Variants in MAF observed in about 807,000 individuals in gnomAD.
The protein encoded by MAF is MAF bZIP transcription factor, also known as transcription factor Maf.
Under a neutral mutation model 22.0 loss-of-function variants are expected in MAF, and 10 were observed. The observed-to-expected ratio is 0.45, with a 90% CI of 0.28 to 0.77. The LOEUF (loss-of-function observed/expected upper bound fraction) is 0.77. Ranked by LOEUF, MAF falls within the 30% of genes least tolerant of loss-of-function variation. MAF has a pLI of 0.12. For synonymous variants in MAF, 337 were observed against 255.8 expected, an observed-to-expected ratio of 1.32 and a Z score of -3.03; for missense variants, 544 against 548.4, an observed-to-expected ratio of 0.99 and a Z score of 0.08.
the MAF span, among the ~76,000 whole-genome samples, chr16:79,285,907 G>A: frequency 6.6e-6 from 1 of 152,194 alleles, no homozygotes; most frequent in Non-Finnish European, 1.5e-5. Flanking sequence ...CTGCACAACT[G>A]GCTGAGCCAA....
chr16:79,532,469 A>G, the MAF span, among the ~76,000 whole-genome samples: 209 of 152,370 alleles, frequency 1.4e-3, 1 homozygote, highest in Non-Finnish European at 1.3e-3. Flanking sequence ...TCTCAGCTCC[A>G]ATCATTCAAT....
chr16:79,382,777 T>C, the MAF span, among the ~76,000 whole-genome samples: 1 of 152,214 alleles, frequency 6.6e-6, no homozygotes, highest in Non-Finnish European at 1.5e-5. Flanking sequence ...CATTTATTCA[T>C]AAAATGGTGC....
the MAF span, among the ~76,000 whole-genome samples, chr16:79,372,174 G>C: frequency 7.1e-6 from 1 of 139,904 alleles, no homozygotes; most frequent in Admixed American, 7.5e-5. Flanking sequence ...ATGGTTTTTT[G>C]TTTAATTTGA....
chr16:79,429,263 C>T, the MAF span, among the ~76,000 whole-genome samples: 5 of 152,268 alleles, frequency 3.3e-5, no homozygotes, highest in African/African-American at 1.2e-4. Flanking sequence ...TGAGCCAATA[C>T]AAATATCCTG....
the MAF span, among the ~76,000 whole-genome samples, chr16:79,401,053 G>A: frequency 1.3e-5 from 2 of 152,168 alleles, no homozygotes; most frequent in Admixed American, 6.5e-5. Context: ...AACTTCACCA[G>A]GAAGTGGTGA....
the MAF span, among the ~76,000 whole-genome samples, chr16:79,542,550 A>T: frequency 6.6e-6 from 1 of 152,154 alleles, no homozygotes; most frequent in Non-Finnish European, 1.5e-5. Flanking sequence ...GGAAGCAGGG[A>T]AAGAAAGAGG....
chr16:79,596,180 GC>G, intron 1 of MAF: 3 of 1,062,536 alleles, frequency 2.8e-6, no homozygotes, highest in Non-Finnish European at 3.4e-6. Flanking sequence ...TGCTCAGGAA[GC>G]CTAGTTCCAC....
At chr16:79,212,121 A>C in the MAF span, 26 of 1,533,902 alleles carry the variant, frequency 1.7e-5, no homozygotes, top group East Asian at 3.2e-4. Context: ...TTTTACTGTT[A>C]TAGAATAGCC....
At chr16:79,508,131 G>A in the MAF span, among the ~76,000 whole-genome samples, 1 of 152,144 alleles carries the variant, frequency 6.6e-6, no homozygotes, top group Admixed American at 6.5e-5. Context: ...CCCTTGGAAG[G>A]AGCGGGGAGT....
the MAF span, among the ~76,000 whole-genome samples, chr16:79,337,055 T>C: frequency 6.6e-6 from 1 of 152,198 alleles, no homozygotes; most frequent in South Asian, 2.1e-4. Flanking sequence ...GGCTCTGGCA[T>C]GCTCCCTGCA....
chr16:79,387,079 T>A, the MAF span, among the ~76,000 whole-genome samples: 24 of 152,316 alleles, frequency 1.6e-4, 1 homozygote, highest in South Asian at 4.6e-3. Context: ...ACCTGTTGTT[T>A]TTGGTTTTGT....
chr16:79,476,264 G>T, the MAF span, among the ~76,000 whole-genome samples: 14 of 152,260 alleles, frequency 9.2e-5, no homozygotes, highest in South Asian at 2.9e-3. Flanking sequence ...AGGGAACACA[G>T]GTAAGTCATG....
the MAF span, among the ~76,000 whole-genome samples, chr16:79,497,625 A>G: frequency 6.6e-6 from 1 of 152,186 alleles, no homozygotes; most frequent in Non-Finnish European, 1.5e-5. Flanking sequence ...AAGACGAGGA[A>G]TCTGGTGAGG....
chr16:79,597,363 A>G (rs1180180022), intron 1 of MAF: 1 of 1,037,646 alleles, frequency 9.6e-7, no homozygotes, highest in East Asian at 5.8e-5. Context: ...GCCAAAAAAT[A>G]TAAAATAAAA....
At chr16:79,502,203 G>T in the MAF span, among the ~76,000 whole-genome samples, 456 of 152,252 alleles carry the variant, frequency 3.0e-3, 5 homozygotes, top group African/African-American at 0.01. Flanking sequence ...GGCTCCTGAG[G>T]CCCGGCTACT....
the MAF span, among the ~76,000 whole-genome samples, chr16:79,500,173 T>G: frequency 6.6e-6 from 1 of 152,196 alleles, no homozygotes; most frequent in Admixed American, 6.5e-5. Context: ...TAAATTACTG[T>G]TGGCTTAGGC....
the MAF span, among the ~76,000 whole-genome samples, chr16:79,458,142 G>GTGTGTGTGTGTGTGTA: frequency 6.6e-6 from 1 of 150,768 alleles, no homozygotes; most frequent in African/African-American, 2.5e-5. Flanking sequence ...GTGTGTGTGT[G>GTGTGTGTGTGTGTGTA]TGTGTCTTTG....
the MAF span, among the ~76,000 whole-genome samples, chr16:79,386,348 C>T: frequency 6.6e-6 from 1 of 152,146 alleles, no homozygotes; most frequent in Non-Finnish European, 1.5e-5. Flanking sequence ...GATCATCAGG[C>T]ATTAGATTCT....
the MAF span, among the ~76,000 whole-genome samples, chr16:79,512,894 C>T: frequency 3.9e-5 from 6 of 152,180 alleles, no homozygotes; most frequent in Non-Finnish European, 7.3e-5. Flanking sequence ...TGCTGTATAC[C>T]TGTATAGGCA....
Sources: allele counts gnomAD v4.1 joint callset (sites outside exome capture counted in the v4.1 genomes callset), GRCh38; gene constraint gnomAD v4.1.1; transcripts MANE v1.5; gene names NCBI Gene and HGNC (gene_info 2026-07-23, HGNC 2026-07-21).